GNB1L: variants seen among roughly 807,000 people sequenced by gnomAD.
The protein encoded by GNB1L is guanine nucleotide-binding protein subunit beta-like protein 1.
Under a neutral mutation model 29.1 loss-of-function variants are expected in GNB1L, and 20 were observed. That is an observed-to-expected ratio of 0.69 (90% CI 0.48 to 1.00). GNB1L has a LOEUF of 1.00. Ranked by LOEUF, GNB1L falls within the 50% of genes least tolerant of loss-of-function variation. The pLI, the probability that GNB1L is intolerant of heterozygous loss-of-function variation, is 0.00. For synonymous variants in GNB1L, 193 were observed against 206.5 expected, an observed-to-expected ratio of 0.93 and a Z score of 0.56; for missense variants, 421 against 464.9, an observed-to-expected ratio of 0.91 and a Z score of 0.87.
chr22:19,799,066 C>A (rs1486530359), intron 7 of GNB1L, among the ~76,000 whole-genome samples: 1 of 152,264 alleles, frequency 6.6e-6, no homozygotes, highest in East Asian at 1.9e-4. Flanking sequence ...GACAGCGCAG[C>A]AGCCACCACT....
chr22:19,801,998 G>A lies in GNB1L; in HGVS notation c.732+3C>T. On this transcript the variant is annotated splice_donor_region_variant and intron_variant, in intron 7 of 7. Coordinates refer to ENST00000329517, the MANE Select transcript of GNB1L (RefSeq NM_053004.3). ...AATGAGACCCGGGGCCTGGCGCACT[G>A]ACCTGCAGGGCCTGCTGCCAGTCCA... The A allele has an allele frequency of 6.3e-7, 1 of 1,577,956 alleles. No individual in the cohort carries two copies. Among genetic ancestry groups the A allele is most frequent in the East Asian group, 2.3e-5 (1 of 42,786 alleles).
In GNB1L at chr22:19,821,258, T is replaced by C. The variant is rs1185600240; in HGVS notation, c.98A>G (p.Gln33Arg). 3.7e-6 allele frequency: 6 copies of C among 1,612,600 alleles called. No individual in the cohort carries two copies. Among genetic ancestry groups the C allele is most frequent in the Non-Finnish European group, 5.1e-6 (6 of 1,179,404 alleles). The change falls in exon 3 of 8, where the codon CAG becomes CGG. Residue 33 changes from glutamine (Q) to arginine (R), a missense_variant. Coordinates refer to ENST00000329517, the MANE Select transcript of GNB1L (RefSeq NM_053004.3). ...VHALHFCEGA[Q>R]AQGRPLLFSG... ...GAAGAGGAGCGGGCGCCCCTGAGCC[T>C]GGGCTCCTTCGCAGAAGTGCAGCGC...
chr22:19,789,992 G>A (rs1210525977), intron 7 of GNB1L, among the ~76,000 whole-genome samples: 2 of 152,202 alleles, frequency 1.3e-5, no homozygotes, highest in South Asian at 4.1e-4. Flanking sequence ...GGGATGACGG[G>A]GTGATGCCTG....
At position 19,785,814 on chromosome 22, in the gene GNB1L, C is replaced by T. The variant is rs918134755; in HGVS notation, c.*2895G>A. The T allele has an allele frequency of 2.0e-5, 3 of 150,398 alleles. No individual in the cohort carries two copies. Among genetic ancestry groups the T allele is most frequent in the African/African-American group, 7.3e-5 (3 of 40,912 alleles). The allele number at this position is 150,398 out of a possible 1,614,324, so 9.3% of individuals were successfully genotyped here. ...AATGTTCAGGTGCATCTTTTCCAAG[C>T]TGGATGTCTGGAGCTGAGACCGTTT... On this transcript the variant is annotated 3_prime_UTR_variant, in exon 8 of 8. Transcript: ENST00000329517. The surrounding 1 kb of genome is among the most constrained non-coding windows in gnomAD (Gnocchi z 4.1).
intron 2 of GNB1L, among the ~76,000 whole-genome samples, chr22:19,825,608 C>A (rs1344490372): frequency 6.6e-6 from 1 of 151,756 alleles, no homozygotes; most frequent in Non-Finnish European, 1.5e-5. Flanking sequence ...GGGGACAGAG[C>A]AAGACCGCAT....
chr22:19,852,601 TGG>T, intron 2 of GNB1L: 1 of 274,150 alleles, frequency 3.6e-6, no homozygotes, highest in Non-Finnish European at 6.8e-6. Flanking sequence ...GAGCTTTGAA[TGG>T]AAGGAGGGGC....
At chr22:19,827,752 G>A (rs1022482058) in intron 2 of GNB1L, among the ~76,000 whole-genome samples, 6 of 152,104 alleles carry the variant, frequency 3.9e-5, no homozygotes, top group Admixed American at 1.3e-4. Flanking sequence ...GAGCGCACAC[G>A]GAAACGACCA....
chr22:19,802,046 C>T lies in GNB1L; in HGVS notation c.687G>A (p.Gly229=), dbSNP rs761621740. The part of the protein sequence containing the change: ...QKARGISGSA[G]KALAVWSLDW... The stretch of plus-strand genomic sequence containing the variant: ...CCAGGCTCCAGACAGCCAGCGCCTT[C>T]CCCGCGGAGCCTGAGATGCCCCTGG... The change falls in exon 7 of 8, where the codon GGG becomes GGA. Residue 229 remains glycine (G), a synonymous_variant. Transcript: ENST00000329517. 1 of 1,610,036 alleles carries T rather than the reference C, an allele frequency of 6.2e-7. No individual in the cohort carries two copies. The highest frequency in any genetic ancestry group is 8.5e-7 in the Non-Finnish European group (1 of 1,178,558).
intron 7 of GNB1L, among the ~76,000 whole-genome samples, chr22:19,801,027 C>G (rs1937364588): frequency 6.6e-6 from 1 of 152,220 alleles, no homozygotes; most frequent in South Asian, 2.1e-4. Flanking sequence ...AATGCCCTCT[C>G]TGTGGCCTCC....
intron 2 of GNB1L, chr22:19,848,924 T>A (rs1202145310): frequency 2.0e-6 from 2 of 985,006 alleles, no homozygotes; most frequent in Admixed American, 6.1e-5. Context: ...AGGCTGTCCA[T>A]CCTAGAGAGC....
chr22:19,793,152 T>TA, intron 7 of GNB1L: 2 of 1,060,496 alleles, frequency 1.9e-6, no homozygotes, highest in Admixed American at 2.5e-5. Context: ...AAATTTTCCT[T>TA]CAAAAAAAAA....
At chr22:19,801,554 CT>C (rs1473799479) in intron 7 of GNB1L, among the ~76,000 whole-genome samples, 1 of 152,222 alleles carries the variant, frequency 6.6e-6, no homozygotes, top group Admixed American at 6.5e-5. Flanking sequence ...GCTTCCCAGC[CT>C]TCCTGCTGGG....
intron 2 of GNB1L, chr22:19,852,267 G>GAGCACAGGGGAGAAGAGAGGAGAGCC (rs772912170): frequency 3.8e-6 from 6 of 1,594,794 alleles, no homozygotes; most frequent in Non-Finnish European, 5.1e-6. Flanking sequence ...GGCATGCTGG[G>GAGCACAGGGGAGAAGAGAGGAGAGCC]AGCACAGGGG....
At chr22:19,799,021 C>T (rs1484675835) in intron 7 of GNB1L, among the ~76,000 whole-genome samples, 7 of 152,234 alleles carry the variant, frequency 4.6e-5, no homozygotes, top group Admixed American at 3.9e-4. Context: ...TGCCCAGCAG[C>T]TCTGCTACTG....
Position 19,788,852 on chromosome 22 carries a change from G to A in GNB1L, c.841C>T (p.His281Tyr). 1 of 1,612,858 alleles carries A rather than the reference G, an allele frequency of 6.2e-7. No homozygotes were observed. Residue 281 changes from histidine to tyrosine, a missense_variant, in exon 8 of 8, where the codon CAC becomes TAC. By Grantham distance (83) the His-to-Tyr change is moderately conservative. Transcript: ENST00000329517. The part of the protein sequence containing the change: ...AGWDHRIRVF[H>Y]WRTMQPLAVL... Reference sequence around the variant, plus strand: ...GCCAGTGGCTGCATCGTCCGCCAGTGGAACACGCGGATGCGGTGGTCCCAG... The same window carrying A: ...GCCAGTGGCTGCATCGTCCGCCAGTAGAACACGCGGATGCGGTGGTCCCAG...
At chr22:19,848,998 C>T in intron 2 of GNB1L, 1 of 985,554 alleles carries the variant, frequency 1.0e-6, no homozygotes, top group Non-Finnish European at 1.2e-6. Flanking sequence ...AGGTAGGCAT[C>T]AGGGAGCAGT....
At chr22:19,850,242 A>G in intron 2 of GNB1L, 1 of 985,540 alleles carries the variant, frequency 1.0e-6, no homozygotes, top group South Asian at 4.7e-5. Context: ...TCAGCCAGTA[A>G]TCCAACACGT....
chr22:19,818,271 C>A (rs1286575702), intron 4 of GNB1L, among the ~76,000 whole-genome samples: 1 of 152,270 alleles, frequency 6.6e-6, no homozygotes, highest in Non-Finnish European at 1.5e-5. Context: ...CCTGATACCA[C>A]AAGGCACCTA....
At chr22:19,820,757 G>T (rs776308828) in intron 3 of GNB1L, 34 bp from the exon 4 acceptor site, 7 of 1,593,588 alleles carry the variant, frequency 4.4e-6, no homozygotes, top group Non-Finnish European at 6.0e-6. Flanking sequence ...GTGTCAGGGG[G>T]CAGAAGGGTG....
Sources: allele counts gnomAD v4.1 joint callset (sites outside exome capture counted in the v4.1 genomes callset), GRCh38; gene constraint gnomAD v4.1.1; non-coding constraint Gnocchi (gnomAD v3.1); transcripts MANE v1.5; gene names NCBI Gene and HGNC (gene_info 2026-07-23, HGNC 2026-07-21).